The following EZR variants were observed in gnomAD, a reference collection of about 807,000 sequenced individuals.
EZR encodes ezrin, also known as cytovillin 2.
EZR carries 40 observed loss-of-function variants against 74.8 expected under a neutral mutation model. The observed-to-expected ratio is 0.53, with a 90% confidence interval of 0.42 to 0.70. The LOEUF (loss-of-function observed/expected upper bound fraction) is 0.70. Among genes scored for constraint, EZR ranks in the 30% least tolerant of loss-of-function variants. The pLI is 0.00. For synonymous variants in EZR, 341 were observed against 283.3 expected (o/e 1.20, Z -2.05); for missense variants, 678 against 755.8 (o/e 0.90, Z 1.21).
At chr6:158,809,758 G>T (rs914152304) in intron 2 of EZR, among the ~76,000 whole-genome samples, 2 of 152,178 alleles carry the variant, frequency 1.3e-5, no homozygotes, top group African/African-American at 4.8e-5. Context: ...AGCAGGAGTT[G>T]GTCCATTTGT....
At position 158,783,472 on chromosome 6, in the gene EZR, C is replaced by T. The variant is rs1466926367; in HGVS notation, c.698+48G>A. 3.9e-6 allele frequency: 6 copies of T among 1,545,688 alleles called. No individual in the cohort carries two copies. The African/African-American group carries it at 6.9e-5, about 18-fold the overall frequency. ...AAATTTGCCATTTTGCCATTGTTTC[C>T]AGGCCCACCACCCTACCTACTGAAG... On this transcript the variant is annotated intron_variant, in intron 7 of 13. Transcript: ENST00000367075.
chr6:158,771,349 A>G lies in EZR; in HGVS notation c.854T>C (p.Met285Thr). Residue 285 changes from methionine to threonine, a missense_variant, in exon 9 of 14, where the codon ATG becomes ACG. Physicochemically the swap from Met to Thr is moderately conservative, Grantham distance 81. This residue lies in a region of EZR where 119 missense variants were observed against 182.3 expected (regional missense o/e 0.65). Coordinates refer to ENST00000367075, the MANE Select transcript of EZR (RefSeq NM_001111077.2). Reference protein sequence around the residue: ...RINKRILQLCMGNHELYMRRR... With the variant: ...RINKRILQLCTGNHELYMRRR... ...GCGCATATACAACTCATGGTTGCCC[A>G]TGCAGAGCTGCAGGATCCGCTTGTT... 6.2e-7 allele frequency: 1 copy of G among 1,614,186 alleles called. No individual in the cohort carries two copies. The highest frequency in any genetic ancestry group is 8.5e-7 in the Non-Finnish European group (1 of 1,179,996).
At chr6:158,803,616 TATATATATACATATAC>T (rs1777260658) in intron 2 of EZR, among the ~76,000 whole-genome samples, 1 of 16,806 alleles carries the variant, frequency 6.0e-5, no homozygotes. Flanking sequence ...CATATATATA[TATATATATACATATAC>T]ATACATATAT....
intron 2 of EZR, among the ~76,000 whole-genome samples, chr6:158,804,762 T>C (rs10945562): frequency 2.2e-4 from 20 of 89,160 alleles, no homozygotes; most frequent in African/African-American, 1.2e-3. Flanking sequence ...TTTCTTTTTT[T>C]CTTATTTTTT....
chr6:158,809,747 AAGC>A (rs1385177191), intron 2 of EZR, among the ~76,000 whole-genome samples: 1 of 152,256 alleles, frequency 6.6e-6, no homozygotes, highest in Non-Finnish European at 1.5e-5. Flanking sequence ...TTTATGCTAG[AAGC>A]AGGAGTTGGT....
chr6:158,770,368 T>C (rs1791064486), intron 10 of EZR, among the ~76,000 whole-genome samples: 1 of 152,096 alleles, frequency 6.6e-6, no homozygotes, highest in South Asian at 2.1e-4. Flanking sequence ...GGAGCTGTGC[T>C]GGGAAGTCTG....
chr6:158,771,944 A>G (rs1311777413), intron 8 of EZR, among the ~76,000 whole-genome samples: 1 of 151,910 alleles, frequency 6.6e-6, no homozygotes, highest in East Asian at 1.9e-4. Context: ...TGTTATTGCT[A>G]CACTGACTGG....
At chr6:158,788,824 G>A (rs768293710) in intron 3 of EZR, among the ~76,000 whole-genome samples, 3 of 151,988 alleles carry the variant, frequency 2.0e-5, no homozygotes, top group East Asian at 1.9e-4. Flanking sequence ...GTTCAGGTAC[G>A]ATCACTTAGA....
chr6:158,785,835 C>T (rs1402594656), intron 4 of EZR, among the ~76,000 whole-genome samples: 1 of 151,816 alleles, frequency 6.6e-6, no homozygotes, highest in East Asian at 1.9e-4. Flanking sequence ...CACTTGAGCC[C>T]AGGAGTTTAA....
At chr6:158,778,264 C>T in intron 7 of EZR, among the ~76,000 whole-genome samples, 1 of 152,218 alleles carries the variant, frequency 6.6e-6, no homozygotes, top group Non-Finnish European at 1.5e-5. Context: ...CTCTCCGGCT[C>T]CTGTCTCTAC....
At position 158,766,861 on chromosome 6, in the gene EZR, G is replaced by A; in HGVS notation, c.*53C>T. 5 of 1,549,380 alleles carry A rather than the reference G, an allele frequency of 3.2e-6. No homozygotes were observed. Among genetic ancestry groups the A allele is most frequent in the South Asian group, 2.3e-5 (2 of 87,076 alleles). On this transcript the variant is annotated 3_prime_UTR_variant, in exon 14 of 14. Coordinates refer to ENST00000367075, the MANE Select transcript of EZR (RefSeq NM_001111077.2). ...AGCACTAAAGACACAAGCGTGGCGGGGCTGGCAGCGCCCGCTATGAGCACC... is the reference window on the plus strand; with the variant it reads ...AGCACTAAAGACACAAGCGTGGCGGAGCTGGCAGCGCCCGCTATGAGCACC...
intron 2 of EZR, among the ~76,000 whole-genome samples, chr6:158,814,246 C>G (rs1036615117): frequency 6.6e-6 from 1 of 152,164 alleles, no homozygotes; most frequent in Non-Finnish European, 1.5e-5. Flanking sequence ...GACAACAAAC[C>G]ACAGCTGTTC....
chr6:158,815,318 T>C (rs1223867498), intron 2 of EZR, among the ~76,000 whole-genome samples: 1 of 152,218 alleles, frequency 6.6e-6, no homozygotes, highest in African/African-American at 2.4e-5. Flanking sequence ...TACGATGCTC[T>C]TCTCAGTGAT....
intron 2 of EZR, among the ~76,000 whole-genome samples, chr6:158,808,605 A>G (rs1166354337): frequency 6.6e-6 from 1 of 152,248 alleles, no homozygotes; most frequent in Admixed American, 6.5e-5. Context: ...GACCAGGGCC[A>G]GGCATAAGGC....
chr6:158,817,893 G>A, intron 2 of EZR, 189 bp downstream of exon 2: 1 of 472,910 alleles, frequency 2.1e-6, no homozygotes, highest in Non-Finnish European at 3.8e-6. Flanking sequence ...TCAAAATGGT[G>A]TTTTCCTAAC....
chr6:158,797,701 T>C (rs1252544474), intron 2 of EZR, among the ~76,000 whole-genome samples: 1 of 152,224 alleles, frequency 6.6e-6, no homozygotes, highest in African/African-American at 2.4e-5. Context: ...GGAAAATTCT[T>C]ACAACCAATG....
At chr6:158,794,796 TAA>T (rs1033196974) in intron 2 of EZR, among the ~76,000 whole-genome samples, 18 of 152,322 alleles carry the variant, frequency 1.2e-4, no homozygotes, top group African/African-American at 3.9e-4. Flanking sequence ...TAAAAACTTT[TAA>T]AAGTTATGCT....
chr6:158,807,837 A>C (rs1276658379), intron 2 of EZR, among the ~76,000 whole-genome samples: 1 of 152,152 alleles, frequency 6.6e-6, no homozygotes, highest in Non-Finnish European at 1.5e-5. Context: ...TCCAAACAGA[A>C]AGCCCATTTT....
chr6:158,781,758 C>CTA (rs1562495022), intron 7 of EZR, among the ~76,000 whole-genome samples: 2 of 91,498 alleles, frequency 2.2e-5, no homozygotes, highest in Non-Finnish European at 4.8e-5. Flanking sequence ...TACCCACTTT[C>CTA]CCCACTTCTT....
Sources: allele counts gnomAD v4.1 joint callset (sites outside exome capture counted in the v4.1 genomes callset), GRCh38; gene constraint gnomAD v4.1.1; regional missense constraint gnomAD v4.1.1; transcripts MANE v1.5; gene names NCBI Gene and HGNC (gene_info 2026-07-23, HGNC 2026-07-21).